The following NEBL variants were observed in gnomAD, a reference collection of about 807,000 sequenced individuals.
NEBL encodes the protein LIM and SH3 protein 2.
In NEBL, 122 loss-of-function variants were observed where a neutral mutation model predicts 140.2. The ratio of observed to expected loss-of-function variants is 0.87; its 90% CI spans 0.75 to 1.01. The LOEUF (loss-of-function observed/expected upper bound fraction) is 1.01. Ranked by LOEUF, NEBL falls within the 50% of genes least tolerant of loss-of-function variation. The pLI is 0.00. For missense variants in NEBL, 1,365 were observed against 1,231.3 expected (o/e 1.11, Z -1.62); for synonymous variants, 436 against 398.9 (o/e 1.09, Z -1.11).
chr10:20,943,153 G>A (rs911649987), intron 4 of NEBL, among the ~76,000 whole-genome samples: 9 of 152,100 alleles, frequency 5.9e-5, no homozygotes, highest in African/African-American at 1.7e-4. Flanking sequence ...TGTTTATTGC[G>A]GCACTATTCA....
chr10:21,104,883 G>C (rs149249591), intron 2 of NEBL, among the ~76,000 whole-genome samples: 1 of 152,266 alleles, frequency 6.6e-6, no homozygotes, highest in Non-Finnish European at 1.5e-5. Flanking sequence ...CCGATATCAG[G>C]ATGAAGAAGT....
intron 2 of NEBL, chr10:21,030,790 C>T: frequency 7.9e-6 from 3 of 380,852 alleles, no homozygotes; most frequent in Non-Finnish European, 1.5e-5. Context: ...TGCACCTGAG[C>T]CAATATGTGA....
intron 2 of NEBL, among the ~76,000 whole-genome samples, chr10:21,077,576 C>T (rs1836159808): frequency 6.6e-6 from 1 of 151,912 alleles, no homozygotes; most frequent in African/African-American, 2.4e-5. Context: ...CACTGCACTC[C>T]AGCCTGGGCG....
At chr10:20,922,922 C>T (rs1833663113) in intron 4 of NEBL, among the ~76,000 whole-genome samples, 1 of 152,202 alleles carries the variant, frequency 6.6e-6, no homozygotes, top group African/African-American at 2.4e-5. Flanking sequence ...CCGATGACTT[C>T]AGGCAGAGAT....
At chr10:21,109,693 T>C (rs1837889731) in intron 2 of NEBL, among the ~76,000 whole-genome samples, 1 of 152,182 alleles carries the variant, frequency 6.6e-6, no homozygotes, top group Non-Finnish European at 1.5e-5. Flanking sequence ...TGTTGGTCTA[T>C]TCAGAGATTC....
At chr10:20,831,706 T>C in intron 14 of NEBL, 123 bp from the exon 15 acceptor site, 2 of 689,768 alleles carry the variant, frequency 2.9e-6, no homozygotes, top group Non-Finnish European at 5.1e-6. Context: ...TTATTTCTTT[T>C]ATTTCTATAG....
intron 26 of NEBL, among the ~76,000 whole-genome samples, chr10:20,796,865 C>T (rs886426826): frequency 6.6e-6 from 1 of 152,160 alleles, no homozygotes. Context: ...AATAATTATT[C>T]TCATGGCACA....
intron 2 of NEBL, among the ~76,000 whole-genome samples, chr10:21,041,513 C>T (rs955158513): frequency 6.6e-6 from 1 of 152,066 alleles, no homozygotes; most frequent in Non-Finnish European, 1.5e-5. Flanking sequence ...AGAGAAATTG[C>T]TTTTACTAAA....
chr10:21,056,239 C>A (rs1255263709), intron 2 of NEBL, among the ~76,000 whole-genome samples: 7 of 152,162 alleles, frequency 4.6e-5, no homozygotes, highest in African/African-American at 1.7e-4. Flanking sequence ...TCCCTGATTG[C>A]AATTTATGGG....
intron 4 of NEBL, among the ~76,000 whole-genome samples, chr10:20,904,684 T>A (rs1588986399): frequency 6.6e-6 from 1 of 152,178 alleles, no homozygotes; most frequent in South Asian, 2.1e-4. Flanking sequence ...CACACACACA[T>A]GTAACAAGCA....
chr10:21,253,046 GAGCGCA>G (rs1468315953), intron 1 of NEBL, among the ~76,000 whole-genome samples: 2 of 152,182 alleles, frequency 1.3e-5, no homozygotes, highest in Non-Finnish European at 2.9e-5. Flanking sequence ...TGGATCACCT[GAGCGCA>G]AGAGTTCGAG....
At chr10:20,878,987 C>T (rs1054251801) in intron 5 of NEBL, among the ~76,000 whole-genome samples, 3 of 152,120 alleles carry the variant, frequency 2.0e-5, no homozygotes, top group Non-Finnish European at 2.9e-5. Context: ...CAGACCTCAC[C>T]CCAGATCACC....
chr10:21,233,876 TGC>T, intron 3 of NEBL, among the ~76,000 whole-genome samples: 1 of 139,092 alleles, frequency 7.2e-6, no homozygotes, highest in Admixed American at 7.3e-5. Flanking sequence ...TACATATATA[TGC>T]ATATATAGAT....
At chr10:20,868,550 T>C (rs769976055) in intron 7 of NEBL, 114 bp downstream of exon 7, 64 of 841,248 alleles carry the variant, frequency 7.6e-5, no homozygotes, top group Admixed American at 1.2e-4. Flanking sequence ...TCAGAAACAT[T>C]ATCTCTGTTT....
intron 2 of NEBL, among the ~76,000 whole-genome samples, chr10:21,032,117 G>T (rs1320814081): frequency 6.6e-6 from 1 of 152,144 alleles, no homozygotes; most frequent in East Asian, 1.9e-4. Flanking sequence ...TACAAATGAA[G>T]AAATTCTCCC....
intron 26 of NEBL, among the ~76,000 whole-genome samples, chr10:20,808,123 A>T (rs1477101203): frequency 6.6e-6 from 1 of 152,092 alleles, no homozygotes; most frequent in East Asian, 1.9e-4. Context: ...TATTACTGTA[A>T]GATTGATTTT....
At chr10:21,292,433 A>G (rs1843157747) in intron 1 of NEBL, among the ~76,000 whole-genome samples, 1 of 152,232 alleles carries the variant, frequency 6.6e-6, no homozygotes, top group African/African-American at 2.4e-5. Flanking sequence ...AATGCAAAAG[A>G]CCACTTAGGA....
intron 2 of NEBL, chr10:21,030,337 C>G (rs939904755): frequency 2.5e-5 from 16 of 628,958 alleles, no homozygotes; most frequent in Non-Finnish European, 4.3e-5. Flanking sequence ...ACACTGGGAC[C>G]TCCGCCACAC....
chr10:21,071,380 T>C (rs1018900844), intron 2 of NEBL, among the ~76,000 whole-genome samples: 2 of 152,032 alleles, frequency 1.3e-5, no homozygotes, highest in African/African-American at 4.8e-5. Context: ...ACACACTCCT[T>C]TGTCCTCGAG....
Sources: allele counts gnomAD v4.1 joint callset (sites outside exome capture counted in the v4.1 genomes callset), GRCh38; gene constraint gnomAD v4.1.1; transcripts MANE v1.5; gene names NCBI Gene and HGNC (gene_info 2026-07-23, HGNC 2026-07-21).